Variants in KLHL13 observed in about 807,000 individuals in gnomAD.
KLHL13 encodes kelch like family member 13, also known as kelch-like protein 13.
A neutral mutation model predicts 37.1 loss-of-function variants in KLHL13; 10 were observed. The ratio of observed to expected loss-of-function variants is 0.27; its 90% CI spans 0.17 to 0.46. The LOEUF is 0.46. Ranked by LOEUF, KLHL13 falls within the 20% of genes least tolerant of loss-of-function variation. KLHL13 has a pLI of 1.00. For synonymous variants in KLHL13, 163 were observed against 181.2 expected (o/e 0.90, Z 0.81); for missense variants, 360 against 509.3 (o/e 0.71, Z 2.82).
chrX:118,092,933 T>C (rs2055154674), intron 1 of KLHL13, among the ~76,000 whole-genome samples: 1 of 111,986 alleles, frequency 8.9e-6, no homozygotes, highest in East Asian at 2.8e-4. Context: ...AACAAACTTT[T>C]TTTTCTTTTT....
chrX:118,026,117 T>A (rs191338905), intron 1 of KLHL13, among the ~76,000 whole-genome samples: 4 of 111,627 alleles, frequency 3.6e-5, no homozygotes, highest in African/African-American at 9.8e-5. Context: ...ATTCCTTCTA[T>A]GGTATCTGTC....
chrX:118,032,995 C>T (rs1318236022), intron 1 of KLHL13, among the ~76,000 whole-genome samples: 18 of 110,605 alleles, frequency 1.6e-4, no homozygotes, highest in Admixed American at 2.9e-4. Context: ...GTATCAGCGA[C>T]GGAAGATGAA....
intron 1 of KLHL13, chrX:117,985,301 C>CCT: frequency 4.4e-6 from 5 of 1,137,055 alleles, no homozygotes; most frequent in Non-Finnish European, 4.6e-6. Context: ...CTTGTGGATC[C>CCT]CTCTCTCATC....
chrX:118,101,151 T>C (rs183246894), intron 1 of KLHL13, among the ~76,000 whole-genome samples: 1 of 111,998 alleles, frequency 8.9e-6, no homozygotes, highest in East Asian at 2.8e-4. Context: ...ATATTAATCA[T>C]CTGATGTTTA....
At chrX:117,973,350 T>C in exon 1 of KLHL13, 1 of 972,432 alleles carries the variant, frequency 1.0e-6, no homozygotes, top group Non-Finnish European at 1.3e-6. Context: ...CAATCTTCTT[T>C]TGAGCTGCAA....
At chrX:117,929,780 A>G (rs1461592835) in intron 2 of KLHL13, among the ~76,000 whole-genome samples, 2 of 67,900 alleles carry the variant, frequency 2.9e-5, no homozygotes, top group Non-Finnish European at 5.1e-5. Context: ...CGTCTCTACA[A>G]AAAAAAAAAA....
intron 1 of KLHL13, among the ~76,000 whole-genome samples, chrX:118,016,464 C>T (rs1446723123): frequency 9.0e-6 from 1 of 111,598 alleles, no homozygotes; most frequent in Non-Finnish European, 1.9e-5. Context: ...CTACTCTAAA[C>T]CATTTTACTG....
intron 1 of KLHL13, among the ~76,000 whole-genome samples, chrX:118,069,049 G>A (rs1312245742): frequency 1.8e-5 from 2 of 108,497 alleles, no homozygotes; most frequent in Non-Finnish European, 3.8e-5. Context: ...CTCTGCTGCT[G>A]AGCAAACAGC....
intron 1 of KLHL13, among the ~76,000 whole-genome samples, chrX:118,073,976 T>C (rs1342368072): frequency 8.9e-6 from 1 of 112,141 alleles, no homozygotes; most frequent in Non-Finnish European, 1.9e-5. Context: ...GGGGTCCTCA[T>C]AGCTAACTAA....
intron 1 of KLHL13, among the ~76,000 whole-genome samples, chrX:118,070,863 G>A (rs980302270): frequency 7.3e-5 from 8 of 109,484 alleles, no homozygotes; most frequent in South Asian, 8.0e-4. Context: ...CCACTAGCTC[G>A]TCATCTAGCA....
At chrX:117,955,262 C>T (rs1202880809) in intron 1 of KLHL13, among the ~76,000 whole-genome samples, 2 of 111,650 alleles carry the variant, frequency 1.8e-5, no homozygotes, top group African/African-American at 6.5e-5. Flanking sequence ...CTGAATTTCC[C>T]AGTTCTATTC....
chrX:118,060,591 C>T (rs190103600), intron 1 of KLHL13, among the ~76,000 whole-genome samples: 3 of 110,781 alleles, frequency 2.7e-5, no homozygotes, highest in African/African-American at 6.6e-5. Context: ...CAGAGAAGAA[C>T]GTATTATTAC....
chrX:118,012,374 CTTG>C (rs1411911700), intron 1 of KLHL13, among the ~76,000 whole-genome samples: 1 of 110,585 alleles, frequency 9.0e-6, no homozygotes. Flanking sequence ...AGATGGTTTT[CTTG>C]TTGTTGTTAT....
At chrX:118,111,128 T>A (rs931365046) in intron 1 of KLHL13, among the ~76,000 whole-genome samples, 2 of 112,769 alleles carry the variant, frequency 1.8e-5, no homozygotes, top group African/African-American at 6.4e-5. Flanking sequence ...AGGCCCTGAT[T>A]TAAGCAGTTT....
Position 118,066,448 on chromosome X carries a change from A to G in KLHL13, c.-56+50060T>C, listed in dbSNP as rs1426328476. ...ACATATTTATTTTATGAGTTAAACA[A>G]ATAAAAGTATTCCTAGCAAATAAAT... is the stretch of plus-strand genomic sequence containing the variant. On this transcript the variant is annotated intron_variant, in intron 1 of 6. Coordinates refer to the KLHL13 transcript ENST00000371882. Among the ~76,000 whole-genome samples, 3 of 111,800 alleles carry G rather than the reference A, an allele frequency of 2.7e-5. No homozygotes were observed. The Admixed American group carries it at 2.9e-4, about 11-fold the overall frequency.
chrX:118,058,262 G>C (rs1005065289), intron 1 of KLHL13, among the ~76,000 whole-genome samples: 56 of 111,377 alleles, frequency 5.0e-4, no homozygotes, highest in Non-Finnish European at 2.1e-4. Flanking sequence ...TGAAACTACA[G>C]AGTAGTATCT....
intron 4 of KLHL13, among the ~76,000 whole-genome samples, chrX:117,912,641 T>C: frequency 8.9e-6 from 1 of 112,400 alleles, no homozygotes; most frequent in East Asian, 2.8e-4. Flanking sequence ...CCAATACAAA[T>C]AGCTGCCTAC....
At chrX:118,027,563 C>T (rs2054287765) in intron 1 of KLHL13, among the ~76,000 whole-genome samples, 1 of 109,271 alleles carries the variant, frequency 9.2e-6, no homozygotes, top group Admixed American at 9.9e-5. Flanking sequence ...TAAAAGTTCC[C>T]TCATACTAGC....
upstream of KLHL13, among the ~76,000 whole-genome samples, chrX:117,975,023 G>T (rs890956810): frequency 1.8e-5 from 2 of 110,940 alleles, no homozygotes; most frequent in South Asian, 7.5e-4. Flanking sequence ...ATATTTAAAA[G>T]TTTTTTTTAA....
Sources: gnomAD v4.1 joint callset for allele counts (sites outside exome capture counted in the v4.1 genomes callset) on GRCh38, gnomAD v4.1.1 for gene constraint, MANE v1.5 for transcripts, NCBI Gene and HGNC (gene_info 2026-07-23, HGNC 2026-07-21) for gene names.